TM4SF18: variants seen among roughly 807,000 people sequenced by gnomAD.
TM4SF18 encodes transmembrane 4 L6 family member 18.
A neutral mutation model predicts 23.8 loss-of-function variants in TM4SF18; 22 were observed. The ratio of observed to expected loss-of-function variants is 0.92; its 90% confidence interval spans 0.66 to 1.32. The LOEUF is 1.32. Ranked by LOEUF, TM4SF18 falls within the 40% of genes most tolerant of loss-of-function variation. The pLI, the probability that TM4SF18 is intolerant of heterozygous loss-of-function variation, is 0.00. For missense variants in TM4SF18, 255 were observed against 240.3 expected, an observed-to-expected ratio of 1.06 and a Z score of -0.41; for synonymous variants, 87 against 87.9, an observed-to-expected ratio of 0.99 and a Z score of 0.06.
chr3:149,324,454 C>T (rs1345672908), intron 4 of TM4SF18, among the ~76,000 whole-genome samples: 1 of 152,154 alleles, frequency 6.6e-6, no homozygotes, highest in Non-Finnish European at 1.5e-5. Flanking sequence ...TCCAAGAGCA[C>T]CATGGTTTCT....
rs1576829291 is a variant in TM4SF18 at position 149,320,321 on chromosome 3, T to G, written c.*1157A>C. Reference sequence around the variant, plus strand: ...ACTGTGTGCTGGGTCCTATGCATGGTGGGAAATATATAAGATGTGGCTACT... The same window carrying G: ...ACTGTGTGCTGGGTCCTATGCATGGGGGGAAATATATAAGATGTGGCTACT... On this transcript the variant is annotated 3_prime_UTR_variant, in exon 6 of 6. Transcript: ENST00000296059. 1 of 152,170 alleles carries G rather than the reference T, an allele frequency of 6.6e-6. No homozygotes were observed. Among genetic ancestry groups the G allele is most frequent in the South Asian group, 2.1e-4 (1 of 4,832 alleles). The allele number at this position is 152,170 out of a possible 1,614,324, so 9.4% of individuals were successfully genotyped here.
chr3:149,327,774 A>G (rs993649593), intron 3 of TM4SF18, among the ~76,000 whole-genome samples: 2 of 152,194 alleles, frequency 1.3e-5, no homozygotes, highest in Non-Finnish European at 2.9e-5. Flanking sequence ...ACTGGAAAAA[A>G]TATTCACTGG....
chr3:149,322,169 T>G (rs1730820975), intron 5 of TM4SF18, 87 bp downstream of exon 5: 1 of 1,179,412 alleles, frequency 8.5e-7, no homozygotes, highest in African/African-American at 1.5e-5. Context: ...AGTGATGGAA[T>G]TCTAGAGTCT....
intron 4 of TM4SF18, among the ~76,000 whole-genome samples, chr3:149,324,450 A>G (rs1288345599): frequency 6.6e-6 from 1 of 152,098 alleles, no homozygotes. Context: ...ACCATCCAAG[A>G]GCACCATGGT....
rs372081851 is a variant in TM4SF18, at chr3:149,321,454, T to C, written c.*24A>G. 2.0e-5 allele frequency: 31 copies of C among 1,549,256 alleles called. No homozygotes were observed. In the African/African-American group the frequency reaches 3.7e-4, roughly 18 times the overall value. ...ATTTAGATAGATGGCCATGTCTTGA[T>C]AATGGAAAACATTTTGTCCTTATTC... On this transcript the variant is annotated 3_prime_UTR_variant, in exon 6 of 6. Coordinates refer to ENST00000296059, the MANE Select transcript of TM4SF18 (RefSeq NM_138786.4).
At chr3:149,322,568 C>G (rs1256057032) in intron 4 of TM4SF18, 132 bp from the exon 5 acceptor site, 3 of 712,674 alleles carry the variant, frequency 4.2e-6, no homozygotes, top group Admixed American at 6.0e-5. Flanking sequence ...TTTTAAAAAC[C>G]ATTCAGATAC....
intron 3 of TM4SF18, among the ~76,000 whole-genome samples, chr3:149,328,125 G>A (rs953276458): frequency 2.6e-5 from 4 of 152,146 alleles, no homozygotes; most frequent in African/African-American, 7.2e-5. Context: ...GGAATGGAGA[G>A]TGCCTTAGTT....
At chr3:149,333,470 C>CTA in intron 1 of TM4SF18, 43 bp downstream of exon 1, 7 of 490,118 alleles carry the variant, frequency 1.4e-5, no homozygotes, top group Non-Finnish European at 1.9e-5. Flanking sequence ...CCTTTTTTTT[C>CTA]TCTCTCTCTC....
In TM4SF18 at chr3:149,333,351, C is replaced by T. The variant is rs770746923; in HGVS notation, c.32G>A (p.Ser11Asn). Residue 11 changes from serine to asparagine, a missense_variant, in exon 2 of 6, where the codon AGT becomes AAT. By Grantham distance (46) the Ser-to-Asn change is conservative. Transcript: ENST00000296059. The stretch of plus-strand genomic sequence containing the variant: ...AAGTGCAAGCGGAATCAGCAAACAA[C>T]TTAGGCAGCCTCCACACTTCCGAGA... MGSRKCGGCLSCLLIPLALWS... is the reference protein window; with the variant it reads MGSRKCGGCLNCLLIPLALWS... 5.6e-6 allele frequency: 9 copies of T among 1,613,212 alleles called. No homozygotes were observed. The Admixed American group carries it at 1.2e-4, about 21-fold the overall frequency.
intron 2 of TM4SF18, among the ~76,000 whole-genome samples, chr3:149,332,224 G>A (rs1731102439): frequency 6.6e-6 from 1 of 152,070 alleles, no homozygotes; most frequent in South Asian, 2.1e-4. Flanking sequence ...TTAATTTAAT[G>A]TGCAAAATGA....
chr3:149,323,191 C>T (rs1223036423), intron 4 of TM4SF18, among the ~76,000 whole-genome samples: 1 of 152,178 alleles, frequency 6.6e-6, no homozygotes, highest in East Asian at 1.9e-4. Context: ...AGCCACCGCG[C>T]CTGGCCCTCC....
chr3:149,325,162 A>T, intron 3 of TM4SF18, 140 bp from the exon 4 acceptor site: 1 of 711,744 alleles, frequency 1.4e-6, no homozygotes, highest in Non-Finnish European at 2.2e-6. Flanking sequence ...ATAGAAATAA[A>T]AAAAAAAGTA....
rs1357053375 is a variant in TM4SF18 at position 149,319,942 on chromosome 3, C to T, written c.*1536G>A. ...GGCTGCCCATGACTCTGGGGCCTGCCCCAGTTCAGTCAGCTGGGCCCAGAG... is the reference window on the plus strand; with the variant it reads ...GGCTGCCCATGACTCTGGGGCCTGCTCCAGTTCAGTCAGCTGGGCCCAGAG... On this transcript the variant is annotated 3_prime_UTR_variant, in exon 6 of 6. Transcript: ENST00000296059. 1 of 152,246 alleles carries T rather than the reference C, an allele frequency of 6.6e-6. No individual in the cohort carries two copies. Among genetic ancestry groups the T allele is most frequent in the Non-Finnish European group, 1.5e-5 (1 of 68,064 alleles). 9.4% of individuals were successfully genotyped at this position (152,246 alleles called of 1,614,324 possible).
intron 3 of TM4SF18, among the ~76,000 whole-genome samples, chr3:149,326,263 C>T (rs1014756548): frequency 2.0e-5 from 3 of 152,126 alleles, no homozygotes; most frequent in African/African-American, 7.2e-5. Context: ...TTAAGAATCC[C>T]TGACAGTTGT....
At chr3:149,326,185 T>C (rs1730941544) in intron 3 of TM4SF18, among the ~76,000 whole-genome samples, 2 of 152,208 alleles carry the variant, frequency 1.3e-5, no homozygotes, top group South Asian at 4.1e-4. Flanking sequence ...CAAGACTACA[T>C]CTCTTTAGTT....
chr3:149,325,928 T>C (rs1423253745), intron 3 of TM4SF18, among the ~76,000 whole-genome samples: 2 of 152,190 alleles, frequency 1.3e-5, no homozygotes, highest in Non-Finnish European at 2.9e-5. Context: ...TTTTACCATA[T>C]TTGTTTGTGC....
chr3:149,333,485 T>TTTTTG lies in TM4SF18; in HGVS notation c.-18+27_-18+28insCAAAA, dbSNP rs1731141479. ...CCTTTTTTTTCTCTCTCTCTCTCTT[T>TTTTTG]TTTTTTTTTTTTTTTGAGATTACCT... On this transcript the variant is annotated intron_variant, in intron 1 of 5. Coordinates refer to ENST00000296059, the MANE Select transcript of TM4SF18 (RefSeq NM_138786.4). The TTTTTG allele has an allele frequency of 2.6e-5, 21 of 821,190 alleles. No homozygotes were observed. In the African/African-American group the frequency reaches 3.3e-4, roughly 13 times the overall value. The allele number at this position is 821,190 out of a possible 1,614,324, so 50.9% of individuals were successfully genotyped here.
intron 4 of TM4SF18, among the ~76,000 whole-genome samples, chr3:149,322,926 C>T (rs982175329): frequency 1.7e-5 from 2 of 120,596 alleles, no homozygotes; most frequent in South Asian, 2.4e-4. Context: ...TTTTTTGAGA[C>T]GGAGTCTTGC....
In TM4SF18 at chr3:149,318,929, G is replaced by A. The variant is rs756363737; in HGVS notation, c.*2549C>T. On this transcript the variant is annotated 3_prime_UTR_variant, in exon 6 of 6. Coordinates refer to ENST00000296059, the MANE Select transcript of TM4SF18 (RefSeq NM_138786.4). ...TTTCCTTTTTACTTTGAATTCACGA[G>A]GATATAAAACACATATTCAGCTTTT... 5 of 151,918 alleles carry A rather than the reference G, an allele frequency of 3.3e-5. No individual in the cohort carries two copies. Among genetic ancestry groups the A allele is most frequent in the Non-Finnish European group, 7.4e-5 (5 of 67,972 alleles). 9.4% of individuals were successfully genotyped at this position (151,918 alleles called of 1,614,324 possible). A position where few individuals can be genotyped will look rare whatever the true frequency, so the allele number is the denominator to read the frequency against.
Sources: allele counts gnomAD v4.1 joint callset (sites outside exome capture counted in the v4.1 genomes callset), GRCh38; gene constraint gnomAD v4.1.1; transcripts MANE v1.5; gene names NCBI Gene and HGNC (gene_info 2026-07-23, HGNC 2026-07-21).